Variants in LSP1 observed in about 807,000 individuals in gnomAD.
LSP1 encodes the protein lymphocyte-specific protein 1.
In LSP1, 32 loss-of-function variants were observed where a neutral mutation model predicts 49.3. That is an observed-to-expected ratio of 0.65 (90% CI 0.49 to 0.87). The LOEUF is 0.87. Ranked by LOEUF, LSP1 falls within the 40% of genes least tolerant of loss-of-function variation. LSP1 has a pLI of 0.00. For synonymous variants in LSP1, 179 were observed against 178.8 expected, an observed-to-expected ratio of 1.00 and a Z score of -0.01; for missense variants, 428 against 442.6, an observed-to-expected ratio of 0.97 and a Z score of 0.30.
intron 3 of LSP1, among the ~76,000 whole-genome samples, chr11:1,882,104 G>A (rs1458137570): frequency 6.6e-6 from 1 of 152,210 alleles, no homozygotes. Context: ...CCGGGAGGAC[G>A]CACTTTCCAG....
At chr11:1,854,035 G>A (rs1847426396) in intron 1 of LSP1, among the ~76,000 whole-genome samples, 1 of 152,178 alleles carries the variant, frequency 6.6e-6, no homozygotes, top group Admixed American at 6.5e-5. Flanking sequence ...CCTCGCCAGG[G>A]GAACCCGAGT....
intron 10 of LSP1, chr11:1,889,196 G>C (rs905189546): frequency 1.2e-5 from 8 of 674,460 alleles, no homozygotes; most frequent in East Asian, 2.8e-5. Flanking sequence ...TGGGCTGGGG[G>C]CTCAGCTCCA....
rs995312884 is a variant in LSP1 at position 1,869,613 on chromosome 11, C to T, written c.54-10474C>T. On this transcript the variant is annotated intron_variant, in intron 1 of 10. Transcript: ENST00000311604. ...CACGTGGGCCGCACCTAGCAGGTGC[C>T]GGGGCAGAAGGCTCAGAGCCGCTGT... 46 of 470,048 alleles carry T rather than the reference C, an allele frequency of 9.8e-5. 1 individual carries two copies. The highest frequency in any genetic ancestry group is 1.4e-4 in the Non-Finnish European group (31 of 226,648). 29.1% of individuals were successfully genotyped at this position (470,048 alleles called of 1,614,324 possible). A position where few individuals can be genotyped will look rare whatever the true frequency, so the allele number is the denominator to read the frequency against.
In LSP1 at chr11:1,884,378, G is replaced by A. The variant is rs1848670305; in HGVS notation, c.635+55G>A. On this transcript the variant is annotated intron_variant, in intron 6 of 10. Transcript: ENST00000311604. This position sits in a 1 kb window ranked among gnomAD's most constrained non-coding sequence, Gnocchi z 4.1. Reference sequence around the variant, plus strand: ...GCTCAGATCTTAGGTTTAACCAAGTGGGGGTTGAAGGGAGTCACAAGGTAG... The same window carrying A: ...GCTCAGATCTTAGGTTTAACCAAGTAGGGGTTGAAGGGAGTCACAAGGTAG... 3.1e-6 allele frequency: 5 copies of A among 1,611,768 alleles called. No individual in the cohort carries two copies. In the African/African-American group the frequency reaches 4.0e-5, roughly 13 times the overall value.
intron 1 of LSP1, among the ~76,000 whole-genome samples, chr11:1,858,903 T>C (rs1589805079): frequency 6.6e-6 from 1 of 152,074 alleles, no homozygotes; most frequent in Non-Finnish European, 1.5e-5. Context: ...TGAGCAGGGG[T>C]GGCAGGAGGA....
chr11:1,886,960 C>T (rs1203871844), intron 8 of LSP1, 94 bp downstream of exon 8: 3 of 1,474,812 alleles, frequency 2.0e-6, no homozygotes, highest in African/African-American at 1.4e-5. Flanking sequence ...AAGCATGGGA[C>T]TGTCCAGGAT....
At chr11:1,854,446 G>A (rs1273631171) in intron 1 of LSP1, among the ~76,000 whole-genome samples, 1 of 152,198 alleles carries the variant, frequency 6.6e-6, no homozygotes, top group Non-Finnish European at 1.5e-5. Flanking sequence ...TGTGCTGTTG[G>A]TGGCTGCAGT....
intron 10 of LSP1, chr11:1,889,430 G>A (rs577608842): frequency 7.5e-5 from 50 of 668,318 alleles, no homozygotes; most frequent in Middle Eastern, 7.2e-4. Flanking sequence ...CGGTGAGGGC[G>A]GGCACCTCCT....
intron 2 of LSP1, 93 bp from the exon 3 acceptor site, chr11:1,881,339 C>A: frequency 7.8e-7 from 1 of 1,279,956 alleles, no homozygotes; most frequent in Non-Finnish European, 1.1e-6. Flanking sequence ...CACTTGGAGT[C>A]CAGGGCCTGA....
intron 4 of LSP1, 134 bp from the exon 5 acceptor site, chr11:1,883,798 C>T: frequency 2.1e-6 from 2 of 956,504 alleles, no homozygotes; most frequent in Non-Finnish European, 3.1e-6. Flanking sequence ...CCACCAGCTC[C>T]AGAACTGGAG....
chr11:1,885,587 T>C (rs1258044275), intron 7 of LSP1, among the ~76,000 whole-genome samples: 1 of 151,314 alleles, frequency 6.6e-6, no homozygotes, highest in Non-Finnish European at 1.5e-5. Context: ...AATCAATGCC[T>C]CTGCTTCCAA....
rs750915233 is a variant in LSP1 at position 1,887,306 on chromosome 11, A to G, written c.922A>G (p.Thr308Ala). 1.2e-5 allele frequency: 19 copies of G among 1,603,372 alleles called. No individual in the cohort carries two copies. The highest frequency in any genetic ancestry group is 1.7e-4 in the Middle Eastern group (1 of 5,910). ...GAAGGGAGGCTCCAAGACCTCATCA[A>G]CAATTAAGGTAGAGCCTAAATGTGG... ...EQKGGSKTSS[T>A]IKSTPSGKRY... Residue 308 changes from threonine (T) to alanine (A), a missense_variant, in exon 9 of 11, where the codon ACA becomes GCA. Coordinates refer to ENST00000311604, the MANE Select transcript of LSP1 (RefSeq NM_002339.3).
chr11:1,883,593 C>A, intron 4 of LSP1, 33 bp downstream of exon 4: 1 of 1,577,802 alleles, frequency 6.3e-7, no homozygotes, highest in Non-Finnish European at 8.6e-7. Flanking sequence ...TCTGGGTGTA[C>A]CCCCACCCCA....
At chr11:1,879,120 G>A (rs1189787633) in intron 1 of LSP1, among the ~76,000 whole-genome samples, 2 of 152,114 alleles carry the variant, frequency 1.3e-5, no homozygotes, top group Admixed American at 6.5e-5. Context: ...TGAGGCGGGC[G>A]GATCACCTGA....
At chr11:1,886,035 A>G (rs1222549409) in intron 7 of LSP1, among the ~76,000 whole-genome samples, 1 of 151,728 alleles carries the variant, frequency 6.6e-6, no homozygotes, top group Non-Finnish European at 1.5e-5. Context: ...CGTCCTATCA[A>G]TGCTCCTGTA....
chr11:1,886,130 A>G (rs1469570274), intron 7 of LSP1, among the ~76,000 whole-genome samples: 22 of 149,390 alleles, frequency 1.5e-4, no homozygotes, highest in Non-Finnish European at 3.0e-5. Context: ...CATCCAGTCA[A>G]TACCTTTCCA....
intron 1 of LSP1, chr11:1,876,311 A>G: frequency 1.3e-5 from 3 of 236,888 alleles, no homozygotes; most frequent in Non-Finnish European, 2.1e-5. Context: ...GGGACCAGAG[A>G]CCTCAGTGCT....
chr11:1,856,508 G>C (rs1847493830), intron 1 of LSP1, among the ~76,000 whole-genome samples: 1 of 152,250 alleles, frequency 6.6e-6, no homozygotes, highest in African/African-American at 2.4e-5. Context: ...GCCATGGACA[G>C]GGCCAGTCCT....
At chr11:1,887,840 T>C (rs916443514) in intron 10 of LSP1, among the ~76,000 whole-genome samples, 1 of 152,136 alleles carries the variant, frequency 6.6e-6, no homozygotes, top group Non-Finnish European at 1.5e-5. Context: ...AAGGCTCCCA[T>C]CTGGGACTCC....
Sources: allele counts gnomAD v4.1 joint callset (sites outside exome capture counted in the v4.1 genomes callset), GRCh38; gene constraint gnomAD v4.1.1; non-coding constraint Gnocchi (gnomAD v3.1); transcripts MANE v1.5; gene names NCBI Gene and HGNC (gene_info 2026-07-23, HGNC 2026-07-21).